VWA3B: variants seen among roughly 807,000 people sequenced by gnomAD.
The protein encoded by VWA3B is von Willebrand factor A domain-containing protein 3B.
In VWA3B, 138 loss-of-function variants were observed where a neutral mutation model predicts 158.3. The observed-to-expected ratio is 0.87, with a 90% CI of 0.76 to 1.00. The LOEUF (loss-of-function observed/expected upper bound fraction) is 1.00, where lower values mean the gene tolerates loss of function less well. Among genes scored for constraint, VWA3B ranks in the 50% least tolerant of loss-of-function variants. VWA3B has a pLI of 0.00. For synonymous variants in VWA3B, 596 were observed against 587.3 expected (o/e 1.01, Z -0.21); for missense variants, 1,555 against 1,565.1 (o/e 0.99, Z 0.11).
At chr2:98,275,460 C>G (rs1395877575) in intron 22 of VWA3B, among the ~76,000 whole-genome samples, 4 of 150,236 alleles carry the variant, frequency 2.7e-5, no homozygotes, top group African/African-American at 1.0e-4. Flanking sequence ...GGATGAGGCC[C>G]GGGGTAGAGA....
chr2:98,269,715 A>C (rs1194496040), intron 21 of VWA3B, among the ~76,000 whole-genome samples: 1 of 152,230 alleles, frequency 6.6e-6, no homozygotes, highest in Non-Finnish European at 1.5e-5. Context: ...GAGGTGCCAC[A>C]ACCTCTTCAT....
At chr2:98,117,957 G>A (rs576574696) in intron 3 of VWA3B, among the ~76,000 whole-genome samples, 4 of 152,074 alleles carry the variant, frequency 2.6e-5, no homozygotes, top group East Asian at 3.9e-4. Context: ...GGCTGGTCTC[G>A]AACTCCTGAC....
At chr2:98,212,196 T>G in intron 13 of VWA3B, 168 bp downstream of exon 13, 1 of 559,852 alleles carries the variant, frequency 1.8e-6, no homozygotes, top group East Asian at 2.9e-5. Context: ...AAGATTCTTT[T>G]GTCTCTGGAA....
intron 9 of VWA3B, among the ~76,000 whole-genome samples, chr2:98,186,376 G>A (rs1252067399): frequency 2.6e-5 from 4 of 151,750 alleles, no homozygotes; most frequent in Non-Finnish European, 5.9e-5. Context: ...CATGCCGGCC[G>A]GCGCCTTCAA....
At chr2:98,217,661 T>A (rs886433675) in intron 13 of VWA3B, among the ~76,000 whole-genome samples, 185 bp from the exon 14 acceptor site, 3 of 152,208 alleles carry the variant, frequency 2.0e-5, no homozygotes, top group African/African-American at 7.2e-5. Context: ...ATCATTGTAC[T>A]CTCACCATCT....
intron 6 of VWA3B, among the ~76,000 whole-genome samples, chr2:98,130,399 C>A (rs1675766311): frequency 6.6e-6 from 1 of 152,142 alleles, no homozygotes; most frequent in South Asian, 2.1e-4. Flanking sequence ...TACTAATCCT[C>A]CTCAGCACAG....
chr2:98,236,819 CAG>C, intron 19 of VWA3B, 89 bp downstream of exon 19: 4 of 1,497,638 alleles, frequency 2.7e-6, no homozygotes, highest in Non-Finnish European at 3.6e-6. Context: ...GTGGTTGTAA[CAG>C]AAATGTATTT....
Position 98,312,457 on chromosome 2 carries a change from G to A in VWA3B, c.*108G>A. 5.1e-6 allele frequency: 7 copies of A among 1,372,002 alleles called. No homozygotes were observed. The highest frequency in any genetic ancestry group is 4.8e-5 in the East Asian group (2 of 41,790). 85.0% of individuals were successfully genotyped at this position (1,372,002 alleles called of 1,614,324 possible). A position where few individuals can be genotyped will look rare whatever the true frequency, so the allele number is the denominator to read the frequency against. On this transcript the variant is annotated 3_prime_UTR_variant, in exon 28 of 28. Coordinates refer to ENST00000477737, the MANE Select transcript of VWA3B (RefSeq NM_144992.5). ...CTCCGCGGAGGTAAGGCCGCCCTCC[G>A]CGCCGCCTATGCCTGCCCTGTCTGT...
intron 11 of VWA3B, 34 bp downstream of exon 11, chr2:98,193,070 C>A: frequency 6.3e-7 from 1 of 1,582,866 alleles, no homozygotes; most frequent in Non-Finnish European, 8.6e-7. Context: ...GCATTTGGGG[C>A]TTTGTGTATC....
At chr2:98,094,571 G>T (rs1200400121) in intron 2 of VWA3B, among the ~76,000 whole-genome samples, 3 of 151,934 alleles carry the variant, frequency 2.0e-5, no homozygotes, top group Non-Finnish European at 2.9e-5. Flanking sequence ...ATTTCTGTAG[G>T]TTGTCTCTTT....
At chr2:98,115,089 C>G (rs1208486805) in intron 2 of VWA3B, among the ~76,000 whole-genome samples, 2 of 148,130 alleles carry the variant, frequency 1.4e-5, no homozygotes, top group African/African-American at 5.0e-5. Flanking sequence ...TCACGAATAA[C>G]TTCCTATGTT....
intron 2 of VWA3B, among the ~76,000 whole-genome samples, chr2:98,113,707 A>T (rs963328352): frequency 6.6e-6 from 1 of 152,080 alleles, no homozygotes; most frequent in Non-Finnish European, 1.5e-5. Flanking sequence ...CTACCCCTAA[A>T]CTTTCTCTAT....
At chr2:98,099,510 CTT>C (rs1227602633) in intron 2 of VWA3B, among the ~76,000 whole-genome samples, 2 of 152,092 alleles carry the variant, frequency 1.3e-5, no homozygotes, top group Non-Finnish European at 2.9e-5. Context: ...AGTTTTCTCT[CTT>C]TGTCTTTGAT....
chr2:98,232,639 C>G (rs1373793963), intron 16 of VWA3B, among the ~76,000 whole-genome samples: 2 of 152,132 alleles, frequency 1.3e-5, no homozygotes, highest in African/African-American at 4.8e-5. Context: ...AACTCTGCAT[C>G]TCATTTAAGT....
chr2:98,102,482 C>G (rs1683151006), intron 2 of VWA3B, among the ~76,000 whole-genome samples: 1 of 152,210 alleles, frequency 6.6e-6, no homozygotes, highest in African/African-American at 2.4e-5. Context: ...CTTCCCAGAC[C>G]AGGCGGCCGG....
intron 26 of VWA3B, among the ~76,000 whole-genome samples, 158 bp downstream of exon 26, chr2:98,303,960 C>T (rs770885529): frequency 8.5e-5 from 13 of 152,176 alleles, no homozygotes; most frequent in African/African-American, 2.9e-4. Context: ...ATTATTCCTT[C>T]GACGTCACAC....
intron 19 of VWA3B, among the ~76,000 whole-genome samples, chr2:98,248,345 A>T (rs1384998171): frequency 6.6e-6 from 1 of 152,092 alleles, no homozygotes; most frequent in Admixed American, 6.5e-5. Context: ...GAATTCTAGT[A>T]TGTTGGCTCA....
Position 98,236,378 on chromosome 2 carries a change from C to T in VWA3B, c.2429-12C>T. ...TGAGGAAAATATACAACTGCCACTT[C>T]CCCTTCCACAGAAATGAGCATCTTG... On this transcript the variant is annotated splice_polypyrimidine_tract_variant and intron_variant, in intron 17 of 27. Coordinates refer to ENST00000477737, the MANE Select transcript of VWA3B (RefSeq NM_144992.5). 1 of 1,614,052 alleles carries T rather than the reference C, an allele frequency of 6.2e-7. No homozygotes were observed. The highest frequency in any genetic ancestry group is 1.3e-5 in the African/African-American group (1 of 75,046).
intron 21 of VWA3B, among the ~76,000 whole-genome samples, chr2:98,258,847 G>C (rs139831000): frequency 6.6e-6 from 1 of 151,804 alleles, no homozygotes; most frequent in East Asian, 1.9e-4. Context: ...AATTGATCTA[G>C]CTAGTACTTC....
Sources: gnomAD v4.1 joint callset for allele counts (sites outside exome capture counted in the v4.1 genomes callset) on GRCh38, gnomAD v4.1.1 for gene constraint, MANE v1.5 for transcripts, NCBI Gene and HGNC (gene_info 2026-07-23, HGNC 2026-07-21) for gene names.